LHFPL6: variants seen among roughly 807,000 people sequenced by gnomAD.
LHFPL6 encodes LHFPL tetraspan subfamily member 6.
In LHFPL6, 9 loss-of-function variants were observed where a neutral mutation model predicts 20.6. That is an observed-to-expected ratio of 0.44 (90% CI 0.26 to 0.76). The LOEUF (loss-of-function observed/expected upper bound fraction) is 0.76, where lower values mean the gene tolerates loss of function less well. Among genes scored for constraint, LHFPL6 ranks in the 30% least tolerant of loss-of-function variants. The probability of loss-of-function intolerance (pLI) is 0.20; values close to 1 mark genes in which losing one functional copy is unlikely to be tolerated. For synonymous variants in LHFPL6, 105 were observed against 98.7 expected (o/e 1.06, Z -0.38); for missense variants, 218 against 253.5 (o/e 0.86, Z 0.95).
chr13:39,412,144 C>T (rs1375146981), intron 2 of LHFPL6, among the ~76,000 whole-genome samples: 1 of 152,166 alleles, frequency 6.6e-6, no homozygotes, highest in African/African-American at 2.4e-5. Context: ...ATTTTTAGGT[C>T]TATTTATTAC....
intron 2 of LHFPL6, among the ~76,000 whole-genome samples, chr13:39,566,752 A>AC (rs1871732321): frequency 6.6e-6 from 1 of 151,510 alleles, no homozygotes; most frequent in Non-Finnish European, 1.5e-5. Context: ...AAAAAAAAAA[A>AC]AAAAAAAATT....
At chr13:39,496,704 G>T (rs889197092) in intron 2 of LHFPL6, among the ~76,000 whole-genome samples, 4 of 152,190 alleles carry the variant, frequency 2.6e-5, no homozygotes, top group African/African-American at 9.7e-5. Context: ...ACTCACCACA[G>T]GAAGGCAGGA....
At chr13:39,425,293 C>A (rs1871609526) in intron 2 of LHFPL6, among the ~76,000 whole-genome samples, 1 of 152,218 alleles carries the variant, frequency 6.6e-6, no homozygotes, top group African/African-American at 2.4e-5. Flanking sequence ...AGGTATATCA[C>A]AATTTGCTTA....
intron 2 of LHFPL6, among the ~76,000 whole-genome samples, chr13:39,387,470 C>T (rs1022413329): frequency 1.4e-5 from 2 of 142,952 alleles, no homozygotes. Context: ...TCGCTTGAAC[C>T]GGGAGGCAGA....
At chr13:39,563,382 CAAAAT>C (rs1871608633) in intron 2 of LHFPL6, among the ~76,000 whole-genome samples, 1 of 152,140 alleles carries the variant, frequency 6.6e-6, no homozygotes, top group South Asian at 2.1e-4. Flanking sequence ...ATGACAGAAA[CAAAAT>C]AGAGAGATAC....
intron 3 of LHFPL6, among the ~76,000 whole-genome samples, chr13:39,367,125 C>T (rs1391254665): frequency 6.6e-6 from 1 of 152,200 alleles, no homozygotes; most frequent in East Asian, 1.9e-4. Flanking sequence ...AGGCTGAACA[C>T]TCATTTTCAC....
intron 3 of LHFPL6, among the ~76,000 whole-genome samples, chr13:39,360,779 G>C (rs1869853551): frequency 1.1e-5 from 1 of 92,016 alleles, no homozygotes; most frequent in African/African-American, 3.2e-5. Context: ...AAACCTTTCT[G>C]AATTACAAAT....
At position 39,600,873 on chromosome 13, in the gene LHFPL6, C is replaced by T; in HGVS notation, c.344G>A (p.Arg115Lys). 3 of 1,535,936 alleles carry T rather than the reference C, an allele frequency of 2.0e-6. No homozygotes were observed. The highest frequency in any genetic ancestry group is 2.6e-6 in the Non-Finnish European group (3 of 1,139,430). ...TCCTCCAGCCACTCTTCCCACTGTC[C>T]TGGAGATGAGGTCGGAAACACAGCA... is the stretch of plus-strand genomic sequence containing the variant. ...MGCCVSDLIS[R>K]TVGRVAGGIQ... The change falls in exon 2 of 4, where the codon AGG (arginine) becomes AAG (lysine). Residue 115 changes from arginine (R) to lysine (K), a missense_variant. Physicochemically the swap from Arg to Lys is conservative, Grantham distance 26 (BLOSUM62 2). Transcript: ENST00000379589.
chr13:39,406,582 A>G (rs1443727349), intron 2 of LHFPL6, among the ~76,000 whole-genome samples: 1 of 146,170 alleles, frequency 6.8e-6, no homozygotes, highest in African/African-American at 2.5e-5. Context: ...GTGGATCCTA[A>G]GTTATCTCAA....
At chr13:39,479,040 T>TAGAC (rs1284617993) in intron 2 of LHFPL6, among the ~76,000 whole-genome samples, 9 of 127,944 alleles carry the variant, frequency 7.0e-5, no homozygotes, top group African/African-American at 2.5e-4. Flanking sequence ...TAGATATAGA[T>TAGAC]AGATAGATAG....
At chr13:39,368,969 T>C (rs988089503) in intron 3 of LHFPL6, among the ~76,000 whole-genome samples, 1 of 152,108 alleles carries the variant, frequency 6.6e-6, no homozygotes, top group Non-Finnish European at 1.5e-5. Context: ...GGAAAGAATA[T>C]AATGGTTGAG....
intron 2 of LHFPL6, among the ~76,000 whole-genome samples, chr13:39,420,080 G>T (rs752237380): frequency 7.2e-5 from 11 of 152,068 alleles, no homozygotes; most frequent in Non-Finnish European, 1.6e-4. Flanking sequence ...TGGCCTTTAC[G>T]CTAACAGGCA....
At chr13:39,421,572 A>T (rs1486622134) in intron 2 of LHFPL6, among the ~76,000 whole-genome samples, 1 of 152,238 alleles carries the variant, frequency 6.6e-6, no homozygotes, top group Non-Finnish European at 1.5e-5. Context: ...GATAAAAATT[A>T]TCATCATTTC....
intron 2 of LHFPL6, among the ~76,000 whole-genome samples, chr13:39,583,160 T>C (rs1285924229): frequency 1.4e-5 from 2 of 143,460 alleles, no homozygotes; most frequent in Non-Finnish European, 3.0e-5. Flanking sequence ...ATGTACAGGA[T>C]GCCAAATTCT....
chr13:39,503,521 A>G (rs1237001570), intron 2 of LHFPL6, among the ~76,000 whole-genome samples: 1 of 152,138 alleles, frequency 6.6e-6, no homozygotes, highest in Non-Finnish European at 1.5e-5. Context: ...CACACAATTT[A>G]CTTATTGTGC....
chr13:39,363,956 T>A (rs1191408781), intron 3 of LHFPL6, among the ~76,000 whole-genome samples: 2 of 152,224 alleles, frequency 1.3e-5, no homozygotes, highest in Non-Finnish European at 2.9e-5. Context: ...TTAGGTGATT[T>A]TGTCATTGTG....
intron 2 of LHFPL6, among the ~76,000 whole-genome samples, chr13:39,516,385 GC>G (rs1371810810): frequency 6.6e-6 from 1 of 152,238 alleles, no homozygotes; most frequent in Non-Finnish European, 1.5e-5. Context: ...GAGCCGAGCA[GC>G]CCCTGGCTTG....
At chr13:39,440,124 A>G (rs9548768) in intron 2 of LHFPL6, among the ~76,000 whole-genome samples, 38,512 of 152,162 alleles carry the variant, frequency 0.25, 5,290 homozygotes, top group East Asian at 0.45. Context: ...GAGAGATCAC[A>G]TAACTGTAGC....
Position 39,401,323 on chromosome 13 carries a change from CTG to C in LHFPL6, c.386-22799_386-22798del, listed in dbSNP as rs1870985576. 3.3e-5 allele frequency among the ~76,000 whole-genome samples: 5 copies of C among 152,360 alleles called. No individual in the cohort carries two copies. The South Asian group carries it at 1.0e-3, about 32-fold the overall frequency. On this transcript the variant is annotated intron_variant, in intron 2 of 3. Coordinates refer to ENST00000379589, the MANE Select transcript of LHFPL6 (RefSeq NM_005780.3). ...ACAAGTACAGTTTGTTCCTCCCTCT[CTG>C]TCTCTCTCCTTTAAAACTGAGAGTT...
Sources: allele counts gnomAD v4.1 joint callset (sites outside exome capture counted in the v4.1 genomes callset), GRCh38; gene constraint gnomAD v4.1.1; transcripts MANE v1.5; gene names NCBI Gene and HGNC (gene_info 2026-07-23, HGNC 2026-07-21).